MYO10: variants seen among roughly 807,000 people sequenced by gnomAD.
MYO10 encodes unconventional myosin-X.
Under a neutral mutation model 257.3 loss-of-function variants are expected in MYO10, and 133 were observed. The ratio of observed to expected loss-of-function variants is 0.52; its 90% CI spans 0.45 to 0.60. MYO10 has a LOEUF of 0.60. MYO10 is among the 20% of genes least tolerant of loss of function. The probability of loss-of-function intolerance (pLI) is 0.00; values close to 1 mark genes in which losing one functional copy is unlikely to be tolerated. For synonymous variants in MYO10, 1,104 were observed against 1,028.6 expected (o/e 1.07, Z -1.40); for missense variants, 2,399 against 2,635.7 (o/e 0.91, Z 1.97).
At chr5:16,857,519 C>T (rs1202469436) in intron 2 of MYO10, among the ~76,000 whole-genome samples, 1 of 152,204 alleles carries the variant, frequency 6.6e-6, no homozygotes, top group African/African-American at 2.4e-5. Flanking sequence ...GCAGCATCAG[C>T]AGCACCTGGG....
At chr5:16,713,468 TA>T in intron 19 of MYO10, 1 of 985,728 alleles carries the variant, frequency 1.0e-6, no homozygotes, top group African/African-American at 1.7e-5. Flanking sequence ...TCCTGTGCTT[TA>T]AAAAGTGCCC....
At chr5:16,767,732 C>A (rs1740915746) in intron 10 of MYO10, among the ~76,000 whole-genome samples, 1 of 151,874 alleles carries the variant, frequency 6.6e-6, no homozygotes, top group African/African-American at 2.4e-5. Flanking sequence ...GGCTATAGTG[C>A]ACTGGCATGA....
At chr5:16,885,500 C>T (rs1561038519) in intron 1 of MYO10, among the ~76,000 whole-genome samples, 1 of 152,032 alleles carries the variant, frequency 6.6e-6, no homozygotes, top group African/African-American at 2.4e-5. Flanking sequence ...GATGAAACTC[C>T]GTCTCTACTA....
At chr5:16,818,683 C>T (rs1388359311) in intron 2 of MYO10, among the ~76,000 whole-genome samples, 1 of 151,796 alleles carries the variant, frequency 6.6e-6, no homozygotes, top group East Asian at 1.9e-4. Flanking sequence ...AGCAATCCAC[C>T]TGTCTTGGCC....
At chr5:16,666,966 G>A (rs1229680853) in intron 40 of MYO10, among the ~76,000 whole-genome samples, 173 bp from the exon 41 acceptor site, 1 of 152,208 alleles carries the variant, frequency 6.6e-6, no homozygotes, top group African/African-American at 2.4e-5. Flanking sequence ...CCTCATCAGG[G>A]AAAGGTGGAA....
At chr5:16,715,149 A>G (rs866759681) in intron 19 of MYO10, among the ~76,000 whole-genome samples, 2,325 of 149,114 alleles carry the variant, frequency 0.016, 65 homozygotes, top group African/African-American at 0.056. Context: ...ATTGGACAAA[A>G]AAAAAAAAAA....
chr5:16,777,934 C>T lies in MYO10; in HGVS notation c.930+1611G>A, dbSNP rs78222579. 0.014 allele frequency among the ~76,000 whole-genome samples: 2,146 copies of T among 148,784 alleles called. 101 individuals are homozygous for T. In the East Asian group the frequency reaches 0.18, roughly 13 times the overall value. On this transcript the variant is annotated intron_variant, in intron 9 of 40. Transcript: ENST00000513610. Reference sequence around the variant, plus strand: ...CGTGATCTCAGCTCACTGCAACCTCCGCCTCCCAGGTTCAAGCGATTCTCC... The same window carrying T: ...CGTGATCTCAGCTCACTGCAACCTCTGCCTCCCAGGTTCAAGCGATTCTCC...
intron 19 of MYO10, among the ~76,000 whole-genome samples, chr5:16,721,404 A>G (rs1043067770): frequency 6.6e-6 from 1 of 152,240 alleles, no homozygotes; most frequent in African/African-American, 2.4e-5. Context: ...AAGGTAAATA[A>G]AAGTCACTTC....
chr5:16,771,180 G>C (rs1052842308), intron 9 of MYO10, among the ~76,000 whole-genome samples: 5 of 152,112 alleles, frequency 3.3e-5, no homozygotes, highest in Non-Finnish European at 7.4e-5. Context: ...ATAAAAATAG[G>C]GAGAAATGCA....
At chr5:16,884,119 A>G (rs1208573130) in intron 1 of MYO10, among the ~76,000 whole-genome samples, 1 of 152,230 alleles carries the variant, frequency 6.6e-6, no homozygotes, top group African/African-American at 2.4e-5. Context: ...GGGCTGGCAC[A>G]GTGCCTCATG....
rs551124232 is a variant in MYO10 at position 16,777,602 on chromosome 5, G to C, written c.930+1943C>G. On this transcript the variant is annotated intron_variant, in intron 9 of 40. Coordinates refer to ENST00000513610, the MANE Select transcript of MYO10 (RefSeq NM_012334.3). ...ATCGCGGTTTAGAGTGTGGGATCCA[G>C]AGTTAGACTGTGTATGGATATGGGC... Among the ~76,000 whole-genome samples, 3 of 152,262 alleles carry C rather than the reference G, an allele frequency of 2.0e-5. No individual in the cohort carries two copies. In the South Asian group the frequency reaches 6.2e-4, roughly 32 times the overall value.
chr5:16,829,232 CT>C (rs1344097595), intron 2 of MYO10, among the ~76,000 whole-genome samples: 2 of 152,170 alleles, frequency 1.3e-5, no homozygotes, highest in African/African-American at 4.8e-5. Flanking sequence ...GAAGGGCCCC[CT>C]GTGCCCTGGG....
chr5:16,775,786 A>T (rs1483430780), intron 9 of MYO10, among the ~76,000 whole-genome samples: 1 of 152,062 alleles, frequency 6.6e-6, no homozygotes, highest in Non-Finnish European at 1.5e-5. Context: ...TATTTTTAGT[A>T]CAGATGGGGT....
chr5:16,930,197 A>G (rs1026362692), intron 1 of MYO10, among the ~76,000 whole-genome samples: 7 of 152,170 alleles, frequency 4.6e-5, no homozygotes, highest in African/African-American at 1.7e-4. Context: ...TTTAGAGGTA[A>G]GAGAATAGAG....
intron 1 of MYO10, among the ~76,000 whole-genome samples, chr5:16,901,313 A>T (rs959311057): frequency 6.6e-6 from 1 of 151,986 alleles, no homozygotes; most frequent in Non-Finnish European, 1.5e-5. Flanking sequence ...TGCTGCATGT[A>T]CCTTTGTCCC....
At chr5:16,685,684 T>TCC in intron 29 of MYO10, 54 bp downstream of exon 29, 1 of 1,238,684 alleles carries the variant, frequency 8.1e-7, no homozygotes. Flanking sequence ...CCTGACGCCC[T>TCC]CCCCGTCCCT....
At chr5:16,878,017 A>G (rs1744654530) in intron 1 of MYO10, among the ~76,000 whole-genome samples, 1 of 152,192 alleles carries the variant, frequency 6.6e-6, no homozygotes, top group South Asian at 2.1e-4. Flanking sequence ...AGCAGGCACT[A>G]TGACCATTCC....
At chr5:16,710,162 G>A (rs952636172) in intron 21 of MYO10, among the ~76,000 whole-genome samples, 1 of 152,120 alleles carries the variant, frequency 6.6e-6, no homozygotes. Context: ...ACTCTTCGAG[G>A]ACACATGTGT....
intron 2 of MYO10, among the ~76,000 whole-genome samples, chr5:16,846,112 GT>G (rs1743628970): frequency 1.3e-5 from 2 of 152,210 alleles, no homozygotes; most frequent in South Asian, 4.1e-4. Flanking sequence ...GTGTCCAGGT[GT>G]TAAGGTGTAT....
Sources: gnomAD v4.1 joint callset for allele counts (sites outside exome capture counted in the v4.1 genomes callset) on GRCh38, gnomAD v4.1.1 for gene constraint, MANE v1.5 for transcripts, NCBI Gene and HGNC (gene_info 2026-07-23, HGNC 2026-07-21) for gene names.